Variants in CAPN9 observed in about 807,000 individuals in gnomAD.
CAPN9 encodes the protein calpain-9.
In CAPN9, 81 loss-of-function variants were observed where a neutral mutation model predicts 92.8. The ratio of observed to expected loss-of-function variants is 0.87; its 90% CI spans 0.73 to 1.05. The LOEUF (loss-of-function observed/expected upper bound fraction) is 1.05, where lower values mean the gene tolerates loss of function less well. Among genes scored for constraint, CAPN9 ranks in the 50% least tolerant of loss-of-function variants. The pLI is 0.00. For synonymous variants in CAPN9, 304 were observed against 328.0 expected (o/e 0.93, Z 0.79); for missense variants, 848 against 866.2 (o/e 0.98, Z 0.26).
chr1:230,750,684 CCCT>C (rs1664708041), intron 1 of CAPN9, among the ~76,000 whole-genome samples: 1 of 152,270 alleles, frequency 6.6e-6, no homozygotes, highest in Admixed American at 6.5e-5. Context: ...GGCTGGACGG[CCCT>C]CCTCCTCAGC....
At chr1:230,784,815 T>G (rs1438080224) in intron 11 of CAPN9, among the ~76,000 whole-genome samples, 1 of 152,234 alleles carries the variant, frequency 6.6e-6, no homozygotes, top group Non-Finnish European at 1.5e-5. Flanking sequence ...GGGTACTGCC[T>G]AGTGGAACTG....
chr1:230,764,519 G>A (rs1665843847), intron 4 of CAPN9, among the ~76,000 whole-genome samples: 1 of 152,200 alleles, frequency 6.6e-6, no homozygotes, highest in Non-Finnish European at 1.5e-5. Context: ...CCGTAACTAT[G>A]AGAGCCAATT....
chr1:230,764,665 T>C (rs1014369278), intron 4 of CAPN9, among the ~76,000 whole-genome samples: 1 of 152,232 alleles, frequency 6.6e-6, no homozygotes, highest in Non-Finnish European at 1.5e-5. Context: ...GTTGCTAAAA[T>C]TGTTTCTTGT....
Position 230,772,192 on chromosome 1 carries a change from C to T in CAPN9, c.875+93C>T, listed in dbSNP as rs1165754435. The T allele has an allele frequency of 2.9e-6, 3 of 1,040,948 alleles. No individual in the cohort carries two copies. The African/African-American group carries it at 4.7e-5, about 16-fold the overall frequency. The allele number at this position is 1,040,948 out of a possible 1,614,324, so 64.5% of individuals were successfully genotyped here. A position where few individuals can be genotyped will look rare whatever the true frequency, so the allele number is the denominator to read the frequency against. ...GACATGTGAAGGAGTGGCCTGTCTACTATCCTCCCGGGCTCTGACTCAGGA... is the reference window on the plus strand; with the variant it reads ...GACATGTGAAGGAGTGGCCTGTCTATTATCCTCCCGGGCTCTGACTCAGGA... On this transcript the variant is annotated intron_variant, in intron 7 of 19. Coordinates refer to ENST00000271971, the MANE Select transcript of CAPN9 (RefSeq NM_006615.3).
At chr1:230,762,881 G>A in intron 4 of CAPN9, 95 bp downstream of exon 4, 1 of 1,339,760 alleles carries the variant, frequency 7.5e-7, no homozygotes, top group Non-Finnish European at 1.0e-6. Context: ...AAAAATCAGG[G>A]CTCTGGGTTT....
intron 8 of CAPN9, chr1:230,776,849 C>CATT (rs1666823251): frequency 6.6e-6 from 1 of 152,208 alleles, no homozygotes; most frequent in South Asian, 2.1e-4. Flanking sequence ...TCACGGCTCA[C>CATT]ATTCTACTCC....
At chr1:230,774,744 T>TTCTTTCTTTCTTTCTTTCTTTC (rs1558100247) in intron 8 of CAPN9, 113 bp downstream of exon 8, 1 of 575,228 alleles carries the variant, frequency 1.7e-6, no homozygotes, top group African/African-American at 2.0e-5. Context: ...TCTTTCTTTT[T>TTCTTTCTTTCTTTCTTTCTTTC]TTTTTTTTTT....
At chr1:230,790,071 A>G in intron 13 of CAPN9, 61 bp from the exon 14 acceptor site, 1 of 1,454,562 alleles carries the variant, frequency 6.9e-7, no homozygotes, top group Non-Finnish European at 9.6e-7. Context: ...ATTTAAAACA[A>G]AAATAAACTA....
intron 6 of CAPN9, 119 bp downstream of exon 6, chr1:230,769,382 A>G: frequency 1.4e-6 from 1 of 722,818 alleles, no homozygotes; most frequent in Non-Finnish European, 2.3e-6. Flanking sequence ...TTCAGAGATT[A>G]TGTCACCTAA....
intron 12 of CAPN9, 120 bp from the exon 13 acceptor site, chr1:230,787,402 C>T (rs1667674580): frequency 1.3e-6 from 1 of 748,426 alleles, no homozygotes; most frequent in Admixed American, 2.4e-5. Flanking sequence ...AGCTTGTGCA[C>T]ACTGCCTCAG....
chr1:230,772,663 G>A (rs1275869374), intron 7 of CAPN9, among the ~76,000 whole-genome samples: 1 of 151,728 alleles, frequency 6.6e-6, no homozygotes, highest in African/African-American at 2.4e-5. Flanking sequence ...GATCACTTGA[G>A]TATGAGAGAT....
intron 19 of CAPN9, 79 bp downstream of exon 19, chr1:230,798,299 T>C (rs1668476755): frequency 1.1e-6 from 1 of 927,756 alleles, no homozygotes. Flanking sequence ...GTTTGCCGAA[T>C]GCTTGATTTC....
At chr1:230,754,019 A>T (rs1029160172) in intron 1 of CAPN9, among the ~76,000 whole-genome samples, 7 of 152,226 alleles carry the variant, frequency 4.6e-5, no homozygotes, top group Non-Finnish European at 7.4e-5. Context: ...GCAATTTGCA[A>T]AACTCTCCTG....
chr1:230,756,221 T>C lies in CAPN9; in HGVS notation c.283+815T>C, dbSNP rs902356854. On this transcript the variant is annotated intron_variant, in intron 2 of 19. Coordinates refer to ENST00000271971, the MANE Select transcript of CAPN9 (RefSeq NM_006615.3). Reference sequence around the variant, plus strand: ...AAAGGCCATGCTGGAACCTCCATGCTGAGCAACTGAGCTATCCTAAACACA... The same window carrying C: ...AAAGGCCATGCTGGAACCTCCATGCCGAGCAACTGAGCTATCCTAAACACA... Among the ~76,000 whole-genome samples the C allele has an allele frequency of 6.8e-4, 104 of 152,088 alleles. 1 individual carries two copies. The highest frequency in any genetic ancestry group is 2.9e-4 in the Non-Finnish European group (20 of 68,024).
intron 13 of CAPN9, 38 bp downstream of exon 13, chr1:230,787,640 A>G: frequency 1.3e-6 from 2 of 1,556,392 alleles, no homozygotes; most frequent in African/African-American, 1.4e-5. Flanking sequence ...CACCAGGCTG[A>G]GGGCCTGGAC....
At chr1:230,762,321 A>T (rs556360183) in intron 3 of CAPN9, among the ~76,000 whole-genome samples, 1 of 152,346 alleles carries the variant, frequency 6.6e-6, no homozygotes, top group African/African-American at 2.4e-5. Flanking sequence ...CCACAAAAAC[A>T]ACTTTCTTGT....
intron 19 of CAPN9, among the ~76,000 whole-genome samples, chr1:230,801,169 C>T (rs1668705753): frequency 6.6e-6 from 1 of 152,176 alleles, no homozygotes; most frequent in Non-Finnish European, 1.5e-5. Context: ...CCTGCTTCCA[C>T]TTCCTGCAGC....
intron 2 of CAPN9, among the ~76,000 whole-genome samples, chr1:230,758,127 A>G (rs1482171195): frequency 6.6e-6 from 1 of 152,206 alleles, no homozygotes; most frequent in Admixed American, 6.5e-5. Flanking sequence ...AGCTCAGAGC[A>G]TTTCTGGCTG....
rs1218752395 is a variant in CAPN9, at chr1:230,798,148, T to A, written c.1988-14T>A. 1 of 1,592,508 alleles carries A rather than the reference T, an allele frequency of 6.3e-7. No homozygotes were observed. Among genetic ancestry groups the A allele is most frequent in the Non-Finnish European group, 8.6e-7 (1 of 1,160,682 alleles). On this transcript the variant is annotated splice_polypyrimidine_tract_variant and intron_variant, in intron 18 of 19. Transcript: ENST00000271971. ...GTCTTTAAAAGGATGCCTTTCCCCC[T>A]TCTCTCCTATCAGGGGTGTTCCAGG...
Sources: gnomAD v4.1 joint callset for allele counts (sites outside exome capture counted in the v4.1 genomes callset) on GRCh38, gnomAD v4.1.1 for gene constraint, MANE v1.5 for transcripts, NCBI Gene and HGNC (gene_info 2026-07-23, HGNC 2026-07-21) for gene names.